COQ6: variants seen among roughly 807,000 people sequenced by gnomAD.
The protein encoded by COQ6 is coenzyme Q6, monooxygenase, also known as ubiquinone biosynthesis monooxygenase COQ6, mitochondrial.
Under a neutral mutation model 55.5 loss-of-function variants are expected in COQ6, and 45 were observed. The ratio of observed to expected loss-of-function variants is 0.81; its 90% CI spans 0.64 to 1.04. The LOEUF is 1.04. Among genes scored for constraint, COQ6 ranks in the 50% least tolerant of loss-of-function variants. The pLI is 0.00. For synonymous variants in COQ6, 206 were observed against 230.5 expected, an observed-to-expected ratio of 0.89 and a Z score of 0.96; for missense variants, 550 against 601.3, an observed-to-expected ratio of 0.91 and a Z score of 0.89.
At chr14:73,949,961 T>C (rs921829531), upstream of COQ6, 1 of 1,613,346 alleles carries the variant, frequency 6.2e-7, no homozygotes, top group African/African-American at 1.3e-5. Flanking sequence ...GCAGTCTCTT[T>C]TCTCTCCTCA....
At position 73,959,155 on chromosome 14, in the gene COQ6, G is replaced by C; in HGVS notation, c.721-7G>C. On this transcript the variant is annotated splice_region_variant and splice_polypyrimidine_tract_variant and intron_variant, in intron 6 of 11. Transcript: ENST00000334571. ...TCACAGAGAAACTTTTCTCCTCTCT[G>C]TTGCAGGCCACAGAAAACAACGTAG... is the stretch of plus-strand genomic sequence containing the variant. 6.2e-7 allele frequency: 1 copy of C among 1,614,150 alleles called. No individual in the cohort carries two copies. Among genetic ancestry groups the C allele is most frequent in the Non-Finnish European group, 8.5e-7 (1 of 1,180,022 alleles).
At chr14:73,952,488 C>G (rs10459544) in intron 1 of COQ6, among the ~76,000 whole-genome samples, 125,493 of 151,688 alleles carry the variant, frequency 0.83, 52,479 homozygotes, top group East Asian at 0.95. Context: ...CCAGGTAGGA[C>G]TGCAGTTGCA....
chr14:73,960,041 C>T, intron 8 of COQ6: 2 of 1,005,576 alleles, frequency 2.0e-6, no homozygotes, highest in Non-Finnish European at 2.4e-6. Flanking sequence ...GTTAGGCTGA[C>T]TGAAACAGCT....
intron 11 of COQ6, 152 bp from the exon 12 acceptor site, chr14:73,962,817 TA>T (rs1395842058): frequency 3.0e-6 from 2 of 662,520 alleles, no homozygotes; most frequent in Admixed American, 5.2e-5. Flanking sequence ...ACCCTGTCTC[TA>T]AAACGTGTGT....
intron 2 of COQ6, among the ~76,000 whole-genome samples, chr14:73,954,963 T>C (rs1252527076): frequency 6.9e-6 from 1 of 145,428 alleles, no homozygotes; most frequent in African/African-American, 2.5e-5. Context: ...TATTTTTTTT[T>C]TTTTTTGAGA....
rs1245281408 is a variant in COQ6, at chr14:73,950,501, C to T, written c.163+6C>T. 2 of 1,601,782 alleles carry T rather than the reference C, an allele frequency of 1.2e-6. No individual in the cohort carries two copies. The highest frequency in any genetic ancestry group is 1.7e-5 in the Admixed American group (1 of 58,994). On this transcript the variant is annotated splice_donor_region_variant and intron_variant, in intron 1 of 11. Transcript: ENST00000334571. ...TGCCATGGCCTGTGCCTTGGGTAAG[C>T]CCTTCTCCAGGCTACTAGTGGCCGG... is the stretch of plus-strand genomic sequence containing the variant.
At chr14:73,959,705 G>A in intron 8 of COQ6, 183 bp downstream of exon 8, 1 of 1,239,676 alleles carries the variant, frequency 8.1e-7, no homozygotes, top group East Asian at 2.5e-5. Flanking sequence ...AAGTAGCTGG[G>A]ACTACAGGCA....
In COQ6 at chr14:73,952,114, CTTTT is replaced by C. The variant is rs869273031; in HGVS notation, c.164-1299_164-1296del. 6.0e-3 allele frequency among the ~76,000 whole-genome samples: 441 copies of C among 73,756 alleles called. 1 individual carries two copies. The highest frequency in any genetic ancestry group is 0.043 in the East Asian group (95 of 2,204). The allele number at this position is 73,756 out of a possible 152,430, so 48.4% of individuals were successfully genotyped here. A position where few individuals can be genotyped will look rare whatever the true frequency, so the allele number is the denominator to read the frequency against. On this transcript the variant is annotated intron_variant, in intron 1 of 11. Transcript: ENST00000334571. The stretch of plus-strand genomic sequence containing the variant: ...TCACTGTCTGTATGGCTGGAGCTAA[CTTTT>C]TTTTTTTTTTTTTTTTTTTTTGAGA...
At position 73,963,087 on chromosome 14, in the gene COQ6, T is replaced by A. The variant is rs1192505046; in HGVS notation, c.*88T>A. The A allele has an allele frequency of 9.2e-7, 1 of 1,086,224 alleles. No individual in the cohort carries two copies. The highest frequency in any genetic ancestry group is 1.4e-6 in the Non-Finnish European group (1 of 704,114). The allele number at this position is 1,086,224 out of a possible 1,614,324, so 67.3% of individuals were successfully genotyped here. A position where few individuals can be genotyped will look rare whatever the true frequency, so the allele number is the denominator to read the frequency against. On this transcript the variant is annotated 3_prime_UTR_variant, in exon 12 of 12. Transcript: ENST00000334571. ...TACATATTTTCAAGATCTTATTTAATTTAATAAACTTACTTTACATTAAAA... is the reference window on the plus strand; with the variant it reads ...TACATATTTTCAAGATCTTATTTAAATTAATAAACTTACTTTACATTAAAA...
At chr14:73,953,702 G>T in intron 2 of COQ6, 133 bp downstream of exon 2, 2 of 1,206,890 alleles carry the variant, frequency 1.7e-6, no homozygotes, top group Non-Finnish European at 2.4e-6. Flanking sequence ...GAGGGGGTGG[G>T]ATTGGTAGTC....
chr14:73,959,008 C>G lies in COQ6; in HGVS notation c.650C>G (p.Ala217Gly), dbSNP rs769027057. Residue 217 changes from alanine (A) to glycine (G), a missense_variant, in exon 6 of 12, where the codon GCT (alanine) becomes GGT (glycine). Coordinates refer to ENST00000334571, the MANE Select transcript of COQ6 (RefSeq NM_182476.3). Reference protein sequence around the residue: ...ADGHNSGVRQAVGIQNVSWNY... With the variant: ...ADGHNSGVRQGVGIQNVSWNY... Reference sequence around the variant, plus strand: ...GGTCACAACTCCGGAGTACGGCAGGCTGTTGGAATCCAGAATGTGAGCTGG... The same window carrying G: ...GGTCACAACTCCGGAGTACGGCAGGGTGTTGGAATCCAGAATGTGAGCTGG... 1.9e-6 allele frequency: 3 copies of G among 1,614,130 alleles called. No homozygotes were observed. Among genetic ancestry groups the G allele is most frequent in the Middle Eastern group, 3.3e-4 (2 of 6,018 alleles).
chr14:73,958,794 A>C (rs1170232404), intron 5 of COQ6, 177 bp from the exon 6 acceptor site: 1 of 1,508,918 alleles, frequency 6.6e-7, no homozygotes, highest in Non-Finnish European at 8.8e-7. Context: ...CTGTTGGCTG[A>C]GGCTGATGTG....
intron 4 of COQ6, chr14:73,956,643 C>A (rs1374839082): frequency 7.9e-6 from 1 of 126,594 alleles, no homozygotes; most frequent in East Asian, 2.0e-4. Context: ...TCCTTACTGG[C>A]CATTTGTGTA....
chr14:73,949,951 G>T, upstream of COQ6: 1 of 1,612,642 alleles, frequency 6.2e-7, no homozygotes. Context: ...TTTCCCGGGG[G>T]CAGTCTCTTT....
chr14:73,950,037 C>G (rs781574826), upstream of COQ6: 13 of 1,611,816 alleles, frequency 8.1e-6, 1 homozygote, highest in Non-Finnish European at 1.1e-5. Flanking sequence ...TTCAGCTGGA[C>G]AGAGGCAGCA....
At chr14:73,953,991 G>A (rs1282338710) in intron 2 of COQ6, among the ~76,000 whole-genome samples, 2 of 152,174 alleles carry the variant, frequency 1.3e-5, no homozygotes, top group Non-Finnish European at 2.9e-5. Context: ...CATGGAACCA[G>A]TTAGCAAATT....
Position 73,950,501 on chromosome 14 carries a change from C to A in COQ6, c.163+6C>A. 6.2e-7 allele frequency: 1 copy of A among 1,601,782 alleles called. No homozygotes were observed. The highest frequency in any genetic ancestry group is 8.5e-7 in the Non-Finnish European group (1 of 1,174,634). ...TGCCATGGCCTGTGCCTTGGGTAAG[C>A]CCTTCTCCAGGCTACTAGTGGCCGG... On this transcript the variant is annotated splice_donor_region_variant and intron_variant, in intron 1 of 11. Transcript: ENST00000334571.
intron 4 of COQ6, 104 bp downstream of exon 4, chr14:73,956,032 A>G: frequency 6.5e-7 from 1 of 1,545,706 alleles, no homozygotes; most frequent in South Asian, 1.1e-5. Flanking sequence ...ACCATAAAGA[A>G]ATCCTCTGAT....
chr14:73,960,238 A>G (rs939887871), intron 8 of COQ6: 1 of 987,058 alleles, frequency 1.0e-6, no homozygotes, highest in Non-Finnish European at 1.2e-6. Context: ...TGTGGGTTCA[A>G]AATGTAAATA....
Sources: allele counts gnomAD v4.1 joint callset (sites outside exome capture counted in the v4.1 genomes callset), GRCh38; gene constraint gnomAD v4.1.1; transcripts MANE v1.5; gene names NCBI Gene and HGNC (gene_info 2026-07-23, HGNC 2026-07-21).